Variants in KANK3 observed in about 807,000 individuals in gnomAD.
The protein encoded by KANK3 is KN motif and ankyrin repeat domain-containing protein 3.
In KANK3, 61 loss-of-function variants were observed where a neutral mutation model predicts 65.4. The observed-to-expected ratio is 0.93, with a 90% CI of 0.76 to 1.15. The LOEUF (loss-of-function observed/expected upper bound fraction) is 1.15, where lower values mean the gene tolerates loss of function less well. Ranked by LOEUF, KANK3 falls within the 50% of genes most tolerant of loss-of-function variation. The probability of loss-of-function intolerance (pLI) is 0.00; values close to 1 mark genes in which losing one functional copy is unlikely to be tolerated. For synonymous variants in KANK3, 586 were observed against 543.3 expected, an observed-to-expected ratio of 1.08 and a Z score of -1.09; for missense variants, 1,187 against 1,178.8, an observed-to-expected ratio of 1.01 and a Z score of -0.10.
chr19:8,342,798 G>A (rs1328091974), intron 1 of KANK3, among the ~76,000 whole-genome samples: 1 of 152,178 alleles, frequency 6.6e-6, no homozygotes, highest in African/African-American at 2.4e-5. Context: ...AAGCGCCGCC[G>A]GGCGGTTCCA....
rs1568579072 is a variant in KANK3 at position 8,337,773 on chromosome 19, ATC to A, written c.34+20_34+21del. The A allele has an allele frequency of 6.2e-6, 10 of 1,611,782 alleles. No individual in the cohort carries two copies. Among genetic ancestry groups the A allele is most frequent in the Non-Finnish European group, 6.8e-6 (8 of 1,179,822 alleles). On this transcript the variant is annotated intron_variant, in intron 2 of 10. Coordinates refer to ENST00000330915, the MANE Select transcript of KANK3 (RefSeq NM_198471.3). ...TCTGTGCATGCGCACACACACACACATCTCTCTTTTTGCACACTCACCGGGCA... is the reference window on the plus strand; with the variant it reads ...TCTGTGCATGCGCACACACACACACATCTCTTTTTGCACACTCACCGGGCA...
In KANK3 at chr19:8,334,613, G is replaced by A. The variant is rs1357723883; in HGVS notation, c.1214C>T (p.Pro405Leu). Reference sequence around the variant, plus strand: ...CGCGGCCTTTTCGGCACAGCTCCACGGGGTCTGGGTGGTGGCCTCGCGTAG... The same window carrying A: ...CGCGGCCTTTTCGGCACAGCTCCACAGGGTCTGGGTGGTGGCCTCGCGTAG... ...AQLREATTQT[P>L]WSCAEKAAQT... is the part of the protein sequence containing the mutation. The change falls in exon 3 of 11, where the codon CCG becomes CTG. Residue 405 changes from proline (P) to leucine (L), a missense_variant. Pro to Leu is a moderately conservative substitution (Grantham distance 98). Around this residue, in one of 3 missense-constraint regions of KANK3, gnomAD observed 1,078 missense variants for 1,038.2 expected, o/e 1.04. Transcript: ENST00000330915. 6.3e-7 allele frequency: 1 copy of A among 1,578,366 alleles called. No individual in the cohort carries two copies.
chr19:8,334,262 G>T (rs1276916650), intron 4 of KANK3, 58 bp downstream of exon 4: 2 of 1,604,678 alleles, frequency 1.2e-6, no homozygotes, highest in Non-Finnish European at 1.7e-6. Context: ...CAGAGCTGGG[G>T]TTCCAACCCC....
chr19:8,331,147 A>C (rs1197334129), intron 7 of KANK3, among the ~76,000 whole-genome samples: 1 of 151,214 alleles, frequency 6.6e-6, no homozygotes, highest in Non-Finnish European at 1.5e-5. Context: ...GAGCAGAGAG[A>C]TCATGCCACT....
At chr19:8,341,638 G>C (rs1412836709) in intron 1 of KANK3, among the ~76,000 whole-genome samples, 2 of 152,044 alleles carry the variant, frequency 1.3e-5, no homozygotes, top group African/African-American at 4.8e-5. Flanking sequence ...CTCAAACCAG[G>C]CGTGAGCCGT....
Position 8,325,038 on chromosome 19 carries a change from T to C in KANK3, c.1995A>G (p.Ala665=), listed in dbSNP as rs1368042564. The part of the protein sequence containing the change: ...RAGYSALMLA[A]LTSVRQEEED... Reference sequence around the variant, plus strand: ...CCTCTTCCTGCCTCACAGAGGTGAGTGCAGCCAGCATGAGGGCCGAGTAGC... The same window carrying C: ...CCTCTTCCTGCCTCACAGAGGTGAGCGCAGCCAGCATGAGGGCCGAGTAGC... Residue 665 remains alanine, a synonymous_variant, in exon 8 of 11, where the codon GCA becomes GCG. Coordinates refer to ENST00000330915, the MANE Select transcript of KANK3 (RefSeq NM_198471.3). 1.9e-6 allele frequency: 3 copies of C among 1,613,634 alleles called. No homozygotes were observed. In the South Asian group the frequency reaches 3.3e-5, roughly 18 times the overall value.
rs376381948 is a variant in KANK3 at position 8,337,885 on chromosome 19, C to T, written c.-28-29G>A. 1.5e-5 allele frequency: 24 copies of T among 1,611,666 alleles called. No homozygotes were observed. In the East Asian group the frequency reaches 1.6e-4, roughly 10 times the overall value. ...CAAAAGGGGTGAAGGTGGGGCTGGG[C>T]GCTGTCCCTCTGGCTGGAGCCTCTG... is the stretch of plus-strand genomic sequence containing the variant. On this transcript the variant is annotated intron_variant, in intron 1 of 10. Coordinates refer to ENST00000330915, the MANE Select transcript of KANK3 (RefSeq NM_198471.3).
At chr19:8,340,946 C>T (rs944142806) in intron 1 of KANK3, among the ~76,000 whole-genome samples, 1 of 152,122 alleles carries the variant, frequency 6.6e-6, no homozygotes, top group African/African-American at 2.4e-5. Flanking sequence ...AAGTCCAGAT[C>T]AAGGGTTGGG....
intron 1 of KANK3, among the ~76,000 whole-genome samples, chr19:8,339,651 T>A (rs1465725678): frequency 6.6e-6 from 1 of 152,040 alleles, no homozygotes; most frequent in Non-Finnish European, 1.5e-5. Flanking sequence ...TGAGCCAAGG[T>A]GCCTGGCCAC....
chr19:8,341,900 G>A (rs936655346), intron 1 of KANK3, among the ~76,000 whole-genome samples: 11 of 152,340 alleles, frequency 7.2e-5, no homozygotes, highest in African/African-American at 2.2e-4. Flanking sequence ...GAACAGTTTA[G>A]TGTCCTGCCT....
Position 8,333,882 on chromosome 19 carries a change from C to A in KANK3, c.1634+28G>T, listed in dbSNP as rs777879460. The A allele has an allele frequency of 3.8e-6, 6 of 1,564,356 alleles. No individual in the cohort carries two copies. Among genetic ancestry groups the A allele is most frequent in the Middle Eastern group, 1.7e-4 (1 of 5,972 alleles). On this transcript the variant is annotated intron_variant, in intron 5 of 10. Transcript: ENST00000330915. This position sits in a 1 kb window ranked among gnomAD's most constrained non-coding sequence, Gnocchi z 5.0. Reference sequence around the variant, plus strand: ...ACCAGGAGGAGGGCAGCCGCCTCCTCTCCAAACAACTAGCGAGCGCCGCTC... The same window carrying A: ...ACCAGGAGGAGGGCAGCCGCCTCCTATCCAAACAACTAGCGAGCGCCGCTC...
At position 8,335,682 on chromosome 19, in the gene KANK3, G is replaced by T; in HGVS notation, c.145C>A (p.Leu49Ile). The change falls in exon 3 of 11, where the codon CTC becomes ATC. Residue 49 changes from leucine to isoleucine, a missense_variant. Leu to Ile is a conservative substitution (Grantham distance 5). Around this residue, in one of 3 missense-constraint regions of KANK3, gnomAD observed 104 missense variants for 122.1 expected, o/e 0.85. Coordinates refer to ENST00000330915, the MANE Select transcript of KANK3 (RefSeq NM_198471.3). ...PYGFHLDLDF[L>I]KYIEELERGP... ...CGCTCCAGCTCCTCTATGTACTTGA[G>T]GAAGTCCAGGTCCAGGTGGAAGCCG... 8.0e-7 allele frequency: 1 copy of T among 1,255,352 alleles called. No individual in the cohort carries two copies. 77.8% of individuals were successfully genotyped at this position (1,255,352 alleles called of 1,614,324 possible).
At chr19:8,331,152 G>T (rs544180974) in intron 7 of KANK3, among the ~76,000 whole-genome samples, 1 of 149,192 alleles carries the variant, frequency 6.7e-6, no homozygotes, top group South Asian at 2.2e-4. Context: ...GAGAGATCAT[G>T]CCACTGCACT....
chr19:8,335,024 C>T lies in KANK3; in HGVS notation c.803G>A (p.Arg268Gln), dbSNP rs755881049. The change falls in exon 3 of 11, where the codon CGG becomes CAG. Residue 268 changes from arginine to glutamine, a missense_variant. Arg to Gln is a conservative substitution (Grantham distance 43). Transcript: ENST00000330915. ...ERGGRARASPRADSPDGLAAG... is the reference protein window; with the variant it reads ...ERGGRARASPQADSPDGLAAG... ...AGCCAGGCCGTCTGGGCTGTCAGCC[C>T]GGGGGCTGGCCCTGGCACGGCCGCC... 789 of 1,436,970 alleles carry T rather than the reference C, an allele frequency of 5.5e-4. 1 individual carries two copies. Among genetic ancestry groups the T allele is most frequent in the Non-Finnish European group, 6.8e-4 (748 of 1,104,202 alleles). The allele number at this position is 1,436,970 out of a possible 1,614,324, so 89.0% of individuals were successfully genotyped here. A position where few individuals can be genotyped will look rare whatever the true frequency, so the allele number is the denominator to read the frequency against.
chr19:8,337,672 G>A, intron 2 of KANK3, 123 bp downstream of exon 2: 2 of 1,197,274 alleles, frequency 1.7e-6, no homozygotes, highest in Admixed American at 3.5e-5. Context: ...GTGGTTTAAA[G>A]CAGGCTCATG....
intron 1 of KANK3, 50 bp from the exon 2 acceptor site, chr19:8,337,906 C>T (rs1245193685): frequency 6.2e-7 from 1 of 1,605,488 alleles, no homozygotes; most frequent in Non-Finnish European, 8.5e-7. Flanking sequence ...TGGCTGGAGC[C>T]TCTGGGGCCT....
Position 8,334,396 on chromosome 19 carries a change from T to C in KANK3, c.1351A>G (p.Lys451Glu). 1 of 1,614,022 alleles carries C rather than the reference T, an allele frequency of 6.2e-7. No individual in the cohort carries two copies. Among genetic ancestry groups the C allele is most frequent in the Non-Finnish European group, 8.5e-7 (1 of 1,179,998 alleles). ...TGGGCACCAGGTGTGCCGTCTCTCT[T>C]CTTCATGATGGATTTGAGGATGCCT... ...PAGILKSIMKKRDGTPGAQPS... is the reference protein window; with the variant it reads ...PAGILKSIMKERDGTPGAQPS... The change falls in exon 4 of 11, where the codon AAG (lysine) becomes GAG (glutamate). Residue 451 changes from lysine to glutamate, a missense_variant. By Grantham distance (56) the Lys-to-Glu change is moderately conservative. Around this residue, in one of 3 missense-constraint regions of KANK3, gnomAD observed 1,078 missense variants for 1,038.2 expected, o/e 1.04. Transcript: ENST00000330915.
chr19:8,324,685 T>C lies in KANK3; in HGVS notation c.2228A>G (p.Asp743Gly), dbSNP rs1455922699. ...CTGGGTGAGCAGCAGCCGCACGGTG[T>C]CCAGGCGCCCATACTCACTGGCACA... ...LMCASEYGRL[D>G]TVRLLLTQPG... Residue 743 changes from aspartate to glycine, a missense_variant, in exon 9 of 11, where the codon GAC becomes GGC. Coordinates refer to ENST00000330915, the MANE Select transcript of KANK3 (RefSeq NM_198471.3). 6.2e-7 allele frequency: 1 copy of C among 1,614,056 alleles called. No homozygotes were observed. Among genetic ancestry groups the C allele is most frequent in the Non-Finnish European group, 8.5e-7 (1 of 1,180,032 alleles).
chr19:8,323,030 G>A lies in KANK3; in HGVS notation c.2383-108C>T, dbSNP rs557152119. The A allele has an allele frequency of 1.4e-5, 9 of 626,890 alleles. No individual in the cohort carries two copies. In the East Asian group the frequency reaches 2.9e-4, roughly 20 times the overall value. 38.8% of individuals were successfully genotyped at this position (626,890 alleles called of 1,614,324 possible). A position where few individuals can be genotyped will look rare whatever the true frequency, so the allele number is the denominator to read the frequency against. Reference sequence around the variant, plus strand: ...GGAGGTTCTTTTACCATGGACCCAGGCTGCCTGGTTTGTATCCAACCTCTG... The same window carrying A: ...GGAGGTTCTTTTACCATGGACCCAGACTGCCTGGTTTGTATCCAACCTCTG... On this transcript the variant is annotated intron_variant, in intron 10 of 10. Transcript: ENST00000330915.
Sources: gnomAD v4.1 joint callset for allele counts (sites outside exome capture counted in the v4.1 genomes callset) on GRCh38, gnomAD v4.1.1 for gene constraint, gnomAD v4.1.1 regional missense constraint, Gnocchi (gnomAD v3.1) non-coding constraint, MANE v1.5 for transcripts, NCBI Gene and HGNC (gene_info 2026-07-23, HGNC 2026-07-21) for gene names.